TRPC7: variants seen among roughly 807,000 people sequenced by gnomAD.
TRPC7 encodes the protein short transient receptor potential channel 7.
TRPC7 carries 42 observed loss-of-function variants against 90.1 expected under a neutral mutation model. The ratio of observed to expected loss-of-function variants is 0.47; its 90% CI spans 0.36 to 0.60. The LOEUF is 0.60. TRPC7 is among the 20% of genes least tolerant of loss of function. TRPC7 has a pLI of 0.00. For synonymous variants in TRPC7, 451 were observed against 436.3 expected, an observed-to-expected ratio of 1.03 and a Z score of -0.42; for missense variants, 955 against 1,112.3, an observed-to-expected ratio of 0.86 and a Z score of 2.01.
intron 5 of TRPC7, among the ~76,000 whole-genome samples, chr5:136,265,613 G>T (rs1464618181): frequency 6.6e-6 from 1 of 152,082 alleles, no homozygotes; most frequent in Non-Finnish European, 1.5e-5. Context: ...GTAAAAGACA[G>T]CCTTTCTTAG....
intron 7 of TRPC7, among the ~76,000 whole-genome samples, chr5:136,238,436 AG>A (rs1251736355): frequency 1.3e-5 from 2 of 152,128 alleles, no homozygotes; most frequent in Admixed American, 6.5e-5. Context: ...TGGGAAACTG[AG>A]GCAGAAGGTG....
chr5:136,347,143 C>T (rs1561728315), intron 2 of TRPC7, among the ~76,000 whole-genome samples: 1 of 152,334 alleles, frequency 6.6e-6, no homozygotes, highest in East Asian at 1.9e-4. Flanking sequence ...GAGGGCATGA[C>T]CCTGCTAATA....
At chr5:136,219,192 C>T (rs1755372081) in intron 10 of TRPC7, among the ~76,000 whole-genome samples, 1 of 152,202 alleles carries the variant, frequency 6.6e-6, no homozygotes, top group Non-Finnish European at 1.5e-5. Flanking sequence ...GGTCTCTGCT[C>T]TGGCACTGGC....
At chr5:136,323,173 T>C (rs1274486132) in intron 2 of TRPC7, among the ~76,000 whole-genome samples, 1 of 152,242 alleles carries the variant, frequency 6.6e-6, no homozygotes, top group Non-Finnish European at 1.5e-5. Flanking sequence ...CCCCTTTCAC[T>C]TGGCTCTCAT....
chr5:136,318,210 C>T (rs1278366343), intron 2 of TRPC7, among the ~76,000 whole-genome samples: 1 of 152,122 alleles, frequency 6.6e-6, no homozygotes, highest in Non-Finnish European at 1.5e-5. Flanking sequence ...CTCAATTAGC[C>T]TTCCAAGACA....
Position 136,268,633 on chromosome 5 carries a change from G to A in TRPC7, c.1129-2197C>T, listed in dbSNP as rs367804106. Among the ~76,000 whole-genome samples the A allele has an allele frequency of 5.3e-5, 8 of 152,128 alleles. 1 individual carries two copies. Among genetic ancestry groups the A allele is most frequent in the Non-Finnish European group, 1.2e-4 (8 of 68,008 alleles). On this transcript the variant is annotated intron_variant, in intron 4 of 11. Coordinates refer to ENST00000513104, the MANE Select transcript of TRPC7 (RefSeq NM_020389.3). The stretch of plus-strand genomic sequence containing the variant: ...ACCTGGTTTAAGGAATTTAATATTC[G>A]TTTTGTTACCTCCTTCAAGCTGTTA...
rs768710044 is a variant in TRPC7 at position 136,247,742 on chromosome 5, G to T, written c.1580-7C>A. 1.2e-6 allele frequency: 2 copies of T among 1,609,884 alleles called. No individual in the cohort carries two copies. Among genetic ancestry groups the T allele is most frequent in the South Asian group, 2.2e-5 (2 of 90,760 alleles). ...GGCCACCACTTGTCCCTGGCTAAAA[G>T]AAAACAATCTGGGTTACTCACGAGG... On this transcript the variant is annotated splice_polypyrimidine_tract_variant and splice_region_variant and intron_variant, in intron 6 of 11. Transcript: ENST00000513104. The surrounding 1 kb of genome is among the most constrained non-coding windows in gnomAD (Gnocchi z 4.2).
intron 4 of TRPC7, among the ~76,000 whole-genome samples, chr5:136,271,801 A>C (rs573815121): frequency 6.6e-6 from 1 of 152,236 alleles, no homozygotes; most frequent in Non-Finnish European, 1.5e-5. Context: ...TTCAACCAAC[A>C]TATTAGTAAG....
chr5:136,254,676 G>A lies in TRPC7; in HGVS notation c.1346-2794C>T, dbSNP rs114257429. Among the ~76,000 whole-genome samples, 661 of 152,290 alleles carry A rather than the reference G, an allele frequency of 4.3e-3. 5 individuals are homozygous for A. The highest frequency in any genetic ancestry group is 0.015 in the African/African-American group (634 of 41,550). ...CATTGTTCTCATGCCTGTTAACATA[G>A]TATCCATTTTGCAGCCTGTGGATCA... is the stretch of plus-strand genomic sequence containing the variant. On this transcript the variant is annotated intron_variant, in intron 5 of 11. Coordinates refer to ENST00000513104, the MANE Select transcript of TRPC7 (RefSeq NM_020389.3).
intron 10 of TRPC7, among the ~76,000 whole-genome samples, chr5:136,217,142 G>C (rs918527773): frequency 2.0e-5 from 3 of 152,210 alleles, no homozygotes; most frequent in African/African-American, 4.8e-5. Context: ...GAGATGAGCA[G>C]TGTGGAAGAG....
At chr5:136,356,582 T>C in intron 2 of TRPC7, 26 bp downstream of exon 2, 3 of 1,508,834 alleles carry the variant, frequency 2.0e-6, no homozygotes, top group Non-Finnish European at 2.7e-6. Flanking sequence ...GCAACCTGCC[T>C]GCAGGGTGCT....
At chr5:136,236,267 G>A (rs1755975706) in intron 7 of TRPC7, among the ~76,000 whole-genome samples, 1 of 152,154 alleles carries the variant, frequency 6.6e-6, no homozygotes, top group African/African-American at 2.4e-5. Flanking sequence ...GTTTGCCTCT[G>A]CCCTTCCCAG....
intron 1 of TRPC7, among the ~76,000 whole-genome samples, chr5:136,363,805 C>G (rs1455574071): frequency 6.6e-6 from 1 of 152,046 alleles, no homozygotes; most frequent in Non-Finnish European, 1.5e-5. Context: ...ATAACTAGTG[C>G]TTTGTATGTG....
At chr5:136,311,167 A>G (rs544902680) in intron 3 of TRPC7, among the ~76,000 whole-genome samples, 2 of 152,180 alleles carry the variant, frequency 1.3e-5, no homozygotes, top group East Asian at 3.9e-4. Context: ...GATATGCACA[A>G]AGTTTTCTTG....
intron 3 of TRPC7, among the ~76,000 whole-genome samples, chr5:136,305,137 A>T (rs560877627): frequency 6.6e-4 from 101 of 152,196 alleles, no homozygotes; most frequent in African/African-American, 2.3e-3. Flanking sequence ...CACAATTACC[A>T]TTGTTCTTGG....
At chr5:136,293,599 C>G (rs1422539673) in intron 3 of TRPC7, among the ~76,000 whole-genome samples, 1 of 152,134 alleles carries the variant, frequency 6.6e-6, no homozygotes, top group Admixed American at 6.5e-5. Context: ...TGAAGGACCT[C>G]TTCAAGGAGA....
At chr5:136,260,649 C>T (rs1310134413) in intron 5 of TRPC7, among the ~76,000 whole-genome samples, 1 of 152,190 alleles carries the variant, frequency 6.6e-6, no homozygotes, top group East Asian at 1.9e-4. Flanking sequence ...ATGACACTGG[C>T]TGTCATTCTG....
chr5:136,254,942 A>G (rs1756643535), intron 5 of TRPC7, among the ~76,000 whole-genome samples: 1 of 152,194 alleles, frequency 6.6e-6, no homozygotes, highest in African/African-American at 2.4e-5. Context: ...GGGGTTCAAG[A>G]CTTTAGTAGA....
At chr5:136,299,347 GTGT>G (rs1758297092) in intron 3 of TRPC7, among the ~76,000 whole-genome samples, 1 of 128,528 alleles carries the variant, frequency 7.8e-6, no homozygotes, top group Non-Finnish European at 1.7e-5. Flanking sequence ...GTGCGTGTGT[GTGT>G]GTGTGTGTGT....
Sources: allele counts gnomAD v4.1 joint callset (sites outside exome capture counted in the v4.1 genomes callset), GRCh38; gene constraint gnomAD v4.1.1; non-coding constraint Gnocchi (gnomAD v3.1); transcripts MANE v1.5; gene names NCBI Gene and HGNC (gene_info 2026-07-23, HGNC 2026-07-21).